STK32C: variants seen among roughly 807,000 people sequenced by gnomAD.
STK32C encodes the protein serine/threonine-protein kinase 32C.
Under a neutral mutation model 56.5 loss-of-function variants are expected in STK32C, and 31 were observed. That is an observed-to-expected ratio of 0.55 (90% CI 0.41 to 0.74). The LOEUF (loss-of-function observed/expected upper bound fraction) is 0.74, where lower values mean the gene tolerates loss of function less well. Among genes scored for constraint, STK32C ranks in the 30% least tolerant of loss-of-function variants. The pLI, the probability that STK32C is intolerant of heterozygous loss-of-function variation, is 0.00. For synonymous variants in STK32C, 309 were observed against 289.4 expected (o/e 1.07, Z -0.69); for missense variants, 544 against 676.9 (o/e 0.80, Z 2.18).
chr10:132,267,802 CAT>C (rs2064619970), intron 1 of STK32C, among the ~76,000 whole-genome samples: 1 of 115,240 alleles, frequency 8.7e-6, no homozygotes. Flanking sequence ...TGTGTGCATG[CAT>C]GTCCCACATC....
intron 1 of STK32C, among the ~76,000 whole-genome samples, chr10:132,327,759 G>A (rs1333663819): frequency 6.6e-6 from 1 of 152,130 alleles, no homozygotes; most frequent in African/African-American, 2.4e-5. Flanking sequence ...TTACAGGTGT[G>A]AGCCACCATG....
chr10:132,231,552 C>T (rs1169069333), intron 2 of STK32C, among the ~76,000 whole-genome samples: 4 of 152,186 alleles, frequency 2.6e-5, no homozygotes, highest in Non-Finnish European at 5.9e-5. Context: ...GGAAACGCCT[C>T]GATCCCTCAC....
At chr10:132,257,672 G>A (rs915318773) in intron 1 of STK32C, among the ~76,000 whole-genome samples, 5 of 149,100 alleles carry the variant, frequency 3.4e-5, no homozygotes, top group Non-Finnish European at 7.4e-5. Flanking sequence ...CCCCAGGGGC[G>A]CCCACTGTGA....
intron 10 of STK32C, among the ~76,000 whole-genome samples, chr10:132,218,845 C>T (rs1472955380): frequency 3.9e-5 from 6 of 152,126 alleles, no homozygotes; most frequent in South Asian, 2.1e-4. Flanking sequence ...AAAGGTGATA[C>T]ATATGTGGAA....
At chr10:132,239,140 C>T (rs913779644) in intron 2 of STK32C, among the ~76,000 whole-genome samples, 1 of 152,222 alleles carries the variant, frequency 6.6e-6, no homozygotes. Context: ...CTGAGAGCCA[C>T]AGGCTGGAAC....
At chr10:132,254,768 T>C (rs1232403661) in intron 1 of STK32C, among the ~76,000 whole-genome samples, 1 of 151,630 alleles carries the variant, frequency 6.6e-6, no homozygotes, top group Non-Finnish European at 1.5e-5. Flanking sequence ...GAATCAGCAC[T>C]ATGTCACCCC....
At chr10:132,218,969 T>C (rs1031042942) in intron 10 of STK32C, among the ~76,000 whole-genome samples, 5 of 152,100 alleles carry the variant, frequency 3.3e-5, no homozygotes, top group Non-Finnish European at 5.9e-5. Flanking sequence ...AGTGTGTAAC[T>C]CCACTTCCAT....
intron 1 of STK32C, among the ~76,000 whole-genome samples, chr10:132,330,067 C>G (rs1333294564): frequency 6.6e-6 from 1 of 152,214 alleles, no homozygotes; most frequent in Non-Finnish European, 1.5e-5. Context: ...ATAATCAGAT[C>G]AACACGAACA....
intron 1 of STK32C, 100 bp from the exon 2 acceptor site, chr10:132,246,055 G>A: frequency 8.3e-7 from 1 of 1,208,346 alleles, no homozygotes; most frequent in Non-Finnish European, 1.2e-6. Context: ...CACTGCCCAG[G>A]GCCCCTCATC....
chr10:132,245,345 C>T lies in STK32C; in HGVS notation c.318+555G>A, dbSNP rs544283562. On this transcript the variant is annotated intron_variant, in intron 2 of 11. Coordinates refer to ENST00000298630, the MANE Select transcript of STK32C (RefSeq NM_173575.4). ...CCTTTTCCGAGTGCTCGTTAAGCCT[C>T]TTTGAGTTATAATTACCCCCAATCT... 2.0e-5 allele frequency among the ~76,000 whole-genome samples: 3 copies of T among 152,314 alleles called. No homozygotes were observed. In the South Asian group the frequency reaches 6.2e-4, roughly 32 times the overall value.
chr10:132,307,469 C>G lies in STK32C; in HGVS notation c.262+103G>C. 2 of 1,281,502 alleles carry G rather than the reference C, an allele frequency of 1.6e-6. No individual in the cohort carries two copies. Among genetic ancestry groups the G allele is most frequent in the Non-Finnish European group, 2.0e-6 (2 of 984,866 alleles). 79.4% of individuals were successfully genotyped at this position (1,281,502 alleles called of 1,614,324 possible). On this transcript the variant is annotated intron_variant, in intron 1 of 11. Coordinates refer to ENST00000298630, the MANE Select transcript of STK32C (RefSeq NM_173575.4). The surrounding 1 kb of genome is among the most constrained non-coding windows in gnomAD (Gnocchi z 4.4). ...CCGGAAGCCGGGGCGCCCCGGGAAG[C>G]CGTCCCGGACACCGGGGGAACCCCT...
chr10:132,222,061 A>T (rs1484399419), intron 10 of STK32C, among the ~76,000 whole-genome samples: 1 of 139,514 alleles, frequency 7.2e-6, no homozygotes, highest in African/African-American at 2.7e-5. Flanking sequence ...TGCACACACA[A>T]CATCAACGCA....
chr10:132,221,461 A>C (rs1247342641), intron 10 of STK32C, among the ~76,000 whole-genome samples: 1 of 138,802 alleles, frequency 7.2e-6, no homozygotes, highest in Non-Finnish European at 1.5e-5. Context: ...CTCACAACTG[A>C]CATCAACGCA....
At chr10:132,230,685 G>T (rs908272741) in intron 2 of STK32C, among the ~76,000 whole-genome samples, 2 of 143,490 alleles carry the variant, frequency 1.4e-5, no homozygotes, top group African/African-American at 2.5e-5. Context: ...CTGGCGGGGG[G>T]GGGGGGGCTG....
At position 132,229,952 on chromosome 10, in the gene STK32C, T is replaced by G. The variant is rs888032026; in HGVS notation, c.319-1824A>C. On this transcript the variant is annotated intron_variant, in intron 2 of 11. Coordinates refer to ENST00000298630, the MANE Select transcript of STK32C (RefSeq NM_173575.4). ...CAGGAAGCTGACAACAGGCGTGGCC[T>G]CAGCACCTCCCTGCCCGGTGGGAGG... Among the ~76,000 whole-genome samples, 14 of 152,196 alleles carry G rather than the reference T, an allele frequency of 9.2e-5. 1 individual carries two copies.
At position 132,223,006 on chromosome 10, in the gene STK32C, A is replaced by ATC; in HGVS notation, c.994-21_994-20insGA. Reference sequence around the variant, plus strand: ...GAGGAGCTGCAACCAGGCATGAGTCAGAGGGTCCAGGGCCCACAGCCCACC... The same window carrying ATC: ...GAGGAGCTGCAACCAGGCATGAGTCATCGAGGGTCCAGGGCCCACAGCCCACC... On this transcript the variant is annotated intron_variant, in intron 8 of 11. Coordinates refer to ENST00000298630, the MANE Select transcript of STK32C (RefSeq NM_173575.4). 6.5e-7 allele frequency: 1 copy of ATC among 1,544,584 alleles called. No individual in the cohort carries two copies. Among genetic ancestry groups the ATC allele is most frequent in the Non-Finnish European group, 8.7e-7 (1 of 1,150,034 alleles).
chr10:132,331,630 G>A (rs2066748192), exon 1 of STK32C: 9 of 1,612,752 alleles, frequency 5.6e-6, no homozygotes, highest in Non-Finnish European at 7.6e-6. Context: ...CAGGCAGCGA[G>A]GACCGCTCCA....
At chr10:132,313,250 C>T (rs562767954) in intron 1 of STK32C, among the ~76,000 whole-genome samples, 2 of 152,246 alleles carry the variant, frequency 1.3e-5, no homozygotes, top group South Asian at 2.1e-4. Context: ...AAGGCCATGC[C>T]GAGTGACGGT....
At chr10:132,274,261 G>A (rs944005930) in intron 1 of STK32C, among the ~76,000 whole-genome samples, 2 of 152,146 alleles carry the variant, frequency 1.3e-5, no homozygotes, top group Non-Finnish European at 2.9e-5. Flanking sequence ...CAACAGCTGC[G>A]CCCGGATTCA....
Sources: gnomAD v4.1 joint callset for allele counts (sites outside exome capture counted in the v4.1 genomes callset) on GRCh38, gnomAD v4.1.1 for gene constraint, Gnocchi (gnomAD v3.1) non-coding constraint, MANE v1.5 for transcripts, NCBI Gene and HGNC (gene_info 2026-07-23, HGNC 2026-07-21) for gene names.